Variants in EFHD2 observed in about 807,000 individuals in gnomAD.
EFHD2 encodes EF-hand domain-containing protein D2.
In EFHD2, 12 loss-of-function variants were observed where a neutral mutation model predicts 20.3. That is an observed-to-expected ratio of 0.59 (90% CI 0.38 to 0.96). EFHD2 has a LOEUF of 0.96. Among genes scored for constraint, EFHD2 ranks in the 40% least tolerant of loss-of-function variants. EFHD2 has a pLI of 0.00. For synonymous variants in EFHD2, 131 were observed against 143.9 expected (o/e 0.91, Z 0.64); for missense variants, 250 against 334.3 (o/e 0.75, Z 1.97).
intron 1 of EFHD2, among the ~76,000 whole-genome samples, chr1:15,411,763 G>A (rs1349296280): frequency 2.0e-5 from 3 of 152,176 alleles, no homozygotes; most frequent in Non-Finnish European, 4.4e-5. Flanking sequence ...GCCGGCTCCC[G>A]CTTGGCTGGG....
chr1:15,416,219 G>C (rs1306153927), intron 1 of EFHD2, among the ~76,000 whole-genome samples: 1 of 152,028 alleles, frequency 6.6e-6, no homozygotes, highest in Non-Finnish European at 1.5e-5. Flanking sequence ...ATGCTACCTG[G>C]GTCCAAGGCC....
At chr1:15,419,232 G>A (rs7533371) in intron 1 of EFHD2, among the ~76,000 whole-genome samples, 5,055 of 152,300 alleles carry the variant, frequency 0.033, 108 homozygotes, top group Middle Eastern at 0.048. Flanking sequence ...CTCCGCTTTC[G>A]AGAGGGGGAT....
In EFHD2 at chr1:15,429,101, A is replaced by G. The variant is rs552046598; in HGVS notation, c.*377A>G. ...CCCTCCACACATCCCTGTCCCCCCA[A>G]CCCGGGAACCCCTGCCCTCCTCCAG... On this transcript the variant is annotated 3_prime_UTR_variant, in exon 4 of 4. Transcript: ENST00000375980. The G allele has an allele frequency of 1.4e-5, 3 of 214,842 alleles. No individual in the cohort carries two copies. Among genetic ancestry groups the G allele is most frequent in the African/African-American group, 2.3e-5 (1 of 42,734 alleles). The allele number at this position is 214,842 out of a possible 1,614,324, so 13.3% of individuals were successfully genotyped here.
intron 1 of EFHD2, among the ~76,000 whole-genome samples, chr1:15,421,444 G>A (rs1305741349): frequency 6.6e-6 from 1 of 152,174 alleles, no homozygotes; most frequent in Non-Finnish European, 1.5e-5. Context: ...TCTTGGTGAT[G>A]GACTCTTTGG....
intron 1 of EFHD2, among the ~76,000 whole-genome samples, chr1:15,422,114 A>G (rs1707802220): frequency 8.9e-6 from 1 of 112,590 alleles, no homozygotes; most frequent in Non-Finnish European, 1.7e-5. Flanking sequence ...TTTTTTTGAG[A>G]CAGAGTCTTG....
At chr1:15,416,364 C>G (rs1188937639) in intron 1 of EFHD2, among the ~76,000 whole-genome samples, 2 of 152,068 alleles carry the variant, frequency 1.3e-5, no homozygotes, top group Non-Finnish European at 1.5e-5. Flanking sequence ...GCAGCCTCAG[C>G]AGGGAAGGTC....
At chr1:15,411,688 G>A (rs1224601543) in intron 1 of EFHD2, among the ~76,000 whole-genome samples, 1 of 152,208 alleles carries the variant, frequency 6.6e-6, no homozygotes, top group Admixed American at 6.5e-5. Flanking sequence ...AGTCTTGGGG[G>A]TGAGCCAGGA....
chr1:15,429,152 CT>C lies in EFHD2; in HGVS notation c.*429del, dbSNP rs1707923943. The C allele has an allele frequency of 5.2e-6, 1 of 193,812 alleles. No homozygotes were observed. Among genetic ancestry groups the C allele is most frequent in the Admixed American group, 5.5e-5 (1 of 18,086 alleles). 12.0% of individuals were successfully genotyped at this position (193,812 alleles called of 1,614,324 possible). ...CAGGCCGCACCGCCCCTGGGGCCCCCTGCCAGCCCCTTCCCAGGCTGGGAGA... is the reference window on the plus strand; with the variant it reads ...CAGGCCGCACCGCCCCTGGGGCCCCCGCCAGCCCCTTCCCAGGCTGGGAGA... On this transcript the variant is annotated 3_prime_UTR_variant, in exon 4 of 4. Transcript: ENST00000375980.
chr1:15,423,279 C>A (rs1425744872), intron 1 of EFHD2, among the ~76,000 whole-genome samples: 2 of 152,226 alleles, frequency 1.3e-5, no homozygotes, highest in African/African-American at 2.4e-5. Context: ...GGCCCATCCA[C>A]CTCCACCCCA....
In EFHD2 at chr1:15,429,147, GC is replaced by G. The variant is rs1300133769; in HGVS notation, c.*428del. 3 of 195,778 alleles carry G rather than the reference GC, an allele frequency of 1.5e-5. No homozygotes were observed. The highest frequency in any genetic ancestry group is 3.2e-5 in the Non-Finnish European group (3 of 94,380). 12.1% of individuals were successfully genotyped at this position (195,778 alleles called of 1,614,324 possible). A position where few individuals can be genotyped will look rare whatever the true frequency, so the allele number is the denominator to read the frequency against. The stretch of plus-strand genomic sequence containing the variant: ...TCCAGCAGGCCGCACCGCCCCTGGG[GC>G]CCCCTGCCAGCCCCTTCCCAGGCTG... On this transcript the variant is annotated 3_prime_UTR_variant, in exon 4 of 4. Coordinates refer to ENST00000375980, the MANE Select transcript of EFHD2 (RefSeq NM_024329.6).
At chr1:15,410,324 G>A (rs1707455627) in intron 1 of EFHD2, 45 bp downstream of exon 1, 2 of 1,517,160 alleles carry the variant, frequency 1.3e-6, no homozygotes, top group African/African-American at 1.4e-5. Flanking sequence ...CCGCGACCCG[G>A]TCTCGGGCCC....
rs1707597667 is a variant in EFHD2, at chr1:15,413,889, T to A, written c.308+3610T>A. On this transcript the variant is annotated intron_variant, in intron 1 of 3. Coordinates refer to ENST00000375980, the MANE Select transcript of EFHD2 (RefSeq NM_024329.6). This position sits in a 1 kb window ranked among gnomAD's most constrained non-coding sequence, Gnocchi z 4.4. The stretch of plus-strand genomic sequence containing the variant: ...TCGCAGCCAGGACTCTCCATCCCCG[T>A]CTCCGTGCGGCCTCAGGCTACGTCC... Among the ~76,000 whole-genome samples, 1 of 152,152 alleles carries A rather than the reference T, an allele frequency of 6.6e-6. No homozygotes were observed. Among genetic ancestry groups the A allele is most frequent in the Non-Finnish European group, 1.5e-5 (1 of 68,022 alleles).
At chr1:15,420,412 G>A (rs1057414551) in intron 1 of EFHD2, among the ~76,000 whole-genome samples, 5 of 152,158 alleles carry the variant, frequency 3.3e-5, no homozygotes, top group Non-Finnish European at 5.9e-5. Flanking sequence ...CTCGATCAGG[G>A]CTCACTGCAG....
At chr1:15,421,184 T>G (rs1707784514) in intron 1 of EFHD2, among the ~76,000 whole-genome samples, 1 of 152,126 alleles carries the variant, frequency 6.6e-6, no homozygotes, top group Non-Finnish European at 1.5e-5. Context: ...TGCCAGCAGG[T>G]GGCAGAGCTG....
rs931674251 is a variant in EFHD2, at chr1:15,428,875, A to G, written c.*151A>G. The G allele has an allele frequency of 3.2e-6, 4 of 1,235,730 alleles. No homozygotes were observed. The highest frequency in any genetic ancestry group is 4.5e-6 in the Non-Finnish European group (4 of 893,208). The allele number at this position is 1,235,730 out of a possible 1,614,324, so 76.5% of individuals were successfully genotyped here. A position where few individuals can be genotyped will look rare whatever the true frequency, so the allele number is the denominator to read the frequency against. ...TGAATGGAGCAAGTTCAGGGGTCTT[A>G]TGGAGGTGGCCCGGCCCCTCCCCGC... On this transcript the variant is annotated 3_prime_UTR_variant, in exon 4 of 4. Transcript: ENST00000375980.
chr1:15,414,068 G>A (rs189114269), intron 1 of EFHD2, among the ~76,000 whole-genome samples: 28 of 152,326 alleles, frequency 1.8e-4, no homozygotes, highest in Admixed American at 1.8e-3. Context: ...GGCTCTGGAG[G>A]GTTTTGTAAG....
chr1:15,412,014 G>A (rs1178969248), intron 1 of EFHD2, among the ~76,000 whole-genome samples: 2 of 152,066 alleles, frequency 1.3e-5, no homozygotes, highest in Non-Finnish European at 2.9e-5. Flanking sequence ...TCCTTCTGGG[G>A]GAAAATCAAG....
chr1:15,419,633 C>T (rs554741058), intron 1 of EFHD2, among the ~76,000 whole-genome samples: 1 of 152,358 alleles, frequency 6.6e-6, no homozygotes, highest in South Asian at 2.1e-4. Flanking sequence ...AGTTTCCCTA[C>T]ATAATGTAAA....
chr1:15,423,297 T>A (rs1707823827), intron 1 of EFHD2, among the ~76,000 whole-genome samples: 1 of 152,040 alleles, frequency 6.6e-6, no homozygotes, highest in Admixed American at 6.5e-5. Context: ...CCAACCCTCA[T>A]CCATCAGTGG....
Sources: allele counts gnomAD v4.1 joint callset (sites outside exome capture counted in the v4.1 genomes callset), GRCh38; gene constraint gnomAD v4.1.1; non-coding constraint Gnocchi (gnomAD v3.1); transcripts MANE v1.5; gene names NCBI Gene and HGNC (gene_info 2026-07-23, HGNC 2026-07-21).